SYTL5: variants seen among roughly 807,000 people sequenced by gnomAD.
The protein encoded by SYTL5 is synaptotagmin-like protein 5.
A neutral mutation model predicts 55.9 loss-of-function variants in SYTL5; 34 were observed. That is an observed-to-expected ratio of 0.61 (90% confidence interval 0.46 to 0.81). The LOEUF is 0.81. SYTL5 is among the 30% of genes least tolerant of loss of function. The pLI is 0.00. For missense variants in SYTL5, 637 were observed against 546.7 expected (o/e 1.17, Z -1.65); for synonymous variants, 221 against 188.7 (o/e 1.17, Z -1.40).
the SYTL5 span, among the ~76,000 whole-genome samples, chrX:37,993,685 G>A: frequency 8.9e-6 from 1 of 112,233 alleles, no homozygotes; most frequent in Admixed American, 9.4e-5. Flanking sequence ...TGGGAGCAAG[G>A]CAGTGAACAT....
At chrX:37,991,405 C>A in the SYTL5 span, 1 of 627,242 alleles carries the variant, frequency 1.6e-6, no homozygotes, top group Non-Finnish European at 2.3e-6. Context: ...GAGCTGAAGG[C>A]GGGGAAGGGG....
At chrX:38,062,512 G>A (rs1191263666) in intron 3 of SYTL5, among the ~76,000 whole-genome samples, 3 of 111,671 alleles carry the variant, frequency 2.7e-5, no homozygotes, top group Non-Finnish European at 3.8e-5. Flanking sequence ...AGATAATACT[G>A]ATGGATGGAA....
At chrX:37,967,968 T>C in the SYTL5 span, among the ~76,000 whole-genome samples, 56 of 108,276 alleles carry the variant, frequency 5.2e-4, no homozygotes, top group South Asian at 0.022. Flanking sequence ...TTCAGTTCAG[T>C]TATTTATTGA....
At position 38,102,368 on chromosome X, in the gene SYTL5, C is replaced by T. The variant is rs1165015119; in HGVS notation, c.1089C>T (p.Ser363=). The T allele has an allele frequency of 8.3e-7, 1 of 1,205,849 alleles. No homozygotes were observed. The highest frequency in any genetic ancestry group is 1.1e-6 in the Non-Finnish European group (1 of 891,798). ...ACTCCTTGGAAGAGACTGAAGAAAG[C>T]ATTGATGCCTTAGTGTCCTCGCAGT... is the stretch of plus-strand genomic sequence containing the variant. ...DKDSLEETEE[S]IDALVSSQLS... Residue 363 remains serine, a synonymous_variant, in exon 10 of 17, where the codon AGC becomes AGT. Coordinates refer to ENST00000297875, the MANE Select transcript of SYTL5 (RefSeq NM_138780.3).
chrX:38,114,444 T>C (rs997360077), intron 13 of SYTL5, among the ~76,000 whole-genome samples: 5 of 112,044 alleles, frequency 4.5e-5, no homozygotes, highest in Non-Finnish European at 7.5e-5. Context: ...GTAGAAACCC[T>C]CTTGCCCCAG....
intron 5 of SYTL5, among the ~76,000 whole-genome samples, chrX:38,074,106 T>A (rs1395949607): frequency 1.8e-5 from 2 of 111,834 alleles, no homozygotes; most frequent in Non-Finnish European, 3.8e-5. Flanking sequence ...TTAATTGAGC[T>A]TAAAGCACCA....
the SYTL5 span, among the ~76,000 whole-genome samples, chrX:37,970,113 A>G: frequency 8.9e-6 from 1 of 112,280 alleles, no homozygotes; most frequent in Non-Finnish European, 1.9e-5. Context: ...TCCTTTTAAT[A>G]TTAAAGACCC....
chrX:38,095,314 C>T (rs1382804067), intron 8 of SYTL5, among the ~76,000 whole-genome samples: 3 of 112,138 alleles, frequency 2.7e-5, no homozygotes, highest in Non-Finnish European at 5.6e-5. Flanking sequence ...TACTCAACAG[C>T]TCCTGTTAAT....
chrX:37,905,928 A>T, the SYTL5 span, among the ~76,000 whole-genome samples: 1 of 112,640 alleles, frequency 8.9e-6, no homozygotes, highest in African/African-American at 3.2e-5. Context: ...GCGTCTCTCG[A>T]GGCACTAGGT....
chrX:38,043,671 A>ATG lies in SYTL5; in HGVS notation c.119+9664_119+9665insGT, dbSNP rs765714235. Among the ~76,000 whole-genome samples, 242 of 69,315 alleles carry ATG rather than the reference A, an allele frequency of 3.5e-3. 3 individuals carry two copies. Among genetic ancestry groups the ATG allele is most frequent in the Non-Finnish European group, 4.6e-3 (194 of 42,095 alleles). 60.2% of individuals were successfully genotyped at this position (69,315 alleles called of 115,157 possible). A position where few individuals can be genotyped will look rare whatever the true frequency, so the allele number is the denominator to read the frequency against. On this transcript the variant is annotated intron_variant, in intron 2 of 16. Coordinates refer to ENST00000297875, the MANE Select transcript of SYTL5 (RefSeq NM_138780.3). The stretch of plus-strand genomic sequence containing the variant: ...TATGTATGTATGTATGTATATATAT[A>ATG]TATATATATATATATATATACATAT...
chrX:38,066,388 G>A (rs1461568452), intron 3 of SYTL5, among the ~76,000 whole-genome samples: 1 of 111,386 alleles, frequency 9.0e-6, no homozygotes, highest in Non-Finnish European at 1.9e-5. Flanking sequence ...GAGGTTTAGT[G>A]TTAAAGAAAA....
At chrX:37,976,611 C>T in the SYTL5 span, among the ~76,000 whole-genome samples, 10 of 111,243 alleles carry the variant, frequency 9.0e-5, no homozygotes, top group Admixed American at 9.6e-4. Flanking sequence ...AAATATTTTA[C>T]AATTGTTTTA....
the SYTL5 span, among the ~76,000 whole-genome samples, chrX:37,996,573 T>A: frequency 8.9e-6 from 1 of 111,972 alleles, no homozygotes; most frequent in Non-Finnish European, 1.9e-5. Context: ...CAGACTCAGG[T>A]CAAGACTGCA....
rs1936744178 is a variant in SYTL5 at position 38,089,549 on chromosome X, G to A, written c.793G>A (p.Ala265Thr). The A allele has an allele frequency of 8.3e-7, 1 of 1,210,950 alleles. No homozygotes were observed. The highest frequency in any genetic ancestry group is 1.1e-6 in the Non-Finnish European group (1 of 895,193). Residue 265 changes from alanine (A) to threonine (T), a missense_variant, in exon 7 of 17, where the codon GCC becomes ACC. Transcript: ENST00000297875. ...GVTPGTQSSPAPSTRTVTSVI... is the reference protein window; with the variant it reads ...GVTPGTQSSPTPSTRTVTSVI... ...GACCCCAGGCACTCAGAGTTCACCAGCCCCAAGCACACGAACTGTGACCTC... is the reference window on the plus strand; with the variant it reads ...GACCCCAGGCACTCAGAGTTCACCAACCCCAAGCACACGAACTGTGACCTC...
chrX:37,922,196 C>T, the SYTL5 span, among the ~76,000 whole-genome samples: 1 of 111,540 alleles, frequency 9.0e-6, no homozygotes, highest in Non-Finnish European at 1.9e-5. Context: ...ATTGGTTTCT[C>T]CTTTGGAAGT....
intron 6 of SYTL5, among the ~76,000 whole-genome samples, chrX:38,077,134 T>C (rs1313122279): frequency 1.8e-5 from 2 of 111,854 alleles, no homozygotes; most frequent in Non-Finnish European, 3.8e-5. Context: ...TTCACTTCCT[T>C]TCTAGTTCCA....
At chrX:38,108,272 T>C (rs910726312) in intron 11 of SYTL5, among the ~76,000 whole-genome samples, 3 of 112,025 alleles carry the variant, frequency 2.7e-5, no homozygotes, top group Non-Finnish European at 3.8e-5. Flanking sequence ...AGTGTTATTT[T>C]CCCAGTTTTA....
At chrX:38,107,777 T>C (rs114859333) in intron 11 of SYTL5, among the ~76,000 whole-genome samples, 69 of 111,902 alleles carry the variant, frequency 6.2e-4, no homozygotes, top group African/African-American at 2.2e-3. Flanking sequence ...ATGAGTGGAT[T>C]TTGACTACAG....
the SYTL5 span, among the ~76,000 whole-genome samples, chrX:37,971,357 T>C: frequency 2.7e-5 from 3 of 111,337 alleles, no homozygotes; most frequent in African/African-American, 9.8e-5. Context: ...GAAAGTCTGG[T>C]GTGCTAGAGG....
Sources: gnomAD v4.1 joint callset for allele counts (sites outside exome capture counted in the v4.1 genomes callset) on GRCh38, gnomAD v4.1.1 for gene constraint, MANE v1.5 for transcripts, NCBI Gene and HGNC (gene_info 2026-07-23, HGNC 2026-07-21) for gene names.